Variants in PLCXD2 observed in about 807,000 individuals in gnomAD.
PLCXD2 encodes phosphatidylinositol specific phospholipase C X domain containing 2, also known as PI-PLC X domain-containing protein 2.
A neutral mutation model predicts 28.6 loss-of-function variants in PLCXD2; 21 were observed. That is an observed-to-expected ratio of 0.73 (90% CI 0.52 to 1.06). PLCXD2 has a LOEUF of 1.06. Ranked by LOEUF, PLCXD2 falls within the 50% of genes least tolerant of loss-of-function variation. PLCXD2 has a pLI of 0.00. For synonymous variants in PLCXD2, 140 were observed against 150.1 expected (o/e 0.93, Z 0.49); for missense variants, 369 against 376.7 (o/e 0.98, Z 0.17).
chr3:111,725,168 T>C (rs1941399323), intron 3 of PLCXD2: 1 of 152,688 alleles, frequency 6.5e-6, no homozygotes, highest in Non-Finnish European at 1.5e-5. Context: ...TCTTGAGAGG[T>C]GGGCTTTCCC....
intron 3 of PLCXD2, chr3:111,723,804 G>A (rs1941379261): frequency 6.6e-6 from 1 of 152,138 alleles, no homozygotes; most frequent in African/African-American, 2.4e-5. Context: ...ATAAAATAGT[G>A]ACCCAACCAC....
chr3:111,695,842 C>T (rs1391461749), intron 1 of PLCXD2, among the ~76,000 whole-genome samples: 1 of 152,178 alleles, frequency 6.6e-6, no homozygotes, highest in Non-Finnish European at 1.5e-5. Flanking sequence ...CAGAATGGGG[C>T]ACAATTTAAA....
intron 3 of PLCXD2, 104 bp downstream of exon 3, chr3:111,714,232 A>G: frequency 7.2e-7 from 1 of 1,388,928 alleles, no homozygotes; most frequent in South Asian, 1.5e-5. Flanking sequence ...GAGGAGTTAG[A>G]AAAACAACAA....
At chr3:111,689,755 TA>T (rs973786269) in intron 1 of PLCXD2, among the ~76,000 whole-genome samples, 1 of 152,140 alleles carries the variant, frequency 6.6e-6, no homozygotes, top group Non-Finnish European at 1.5e-5. Flanking sequence ...AATTTAAGCA[TA>T]AAAAACAGAT....
chr3:111,683,798 C>G (rs1173690110), intron 1 of PLCXD2, among the ~76,000 whole-genome samples: 1 of 152,078 alleles, frequency 6.6e-6, no homozygotes. Context: ...CTTAACAAGA[C>G]TAGGGAGGCC....
At chr3:111,680,363 G>A (rs1255544716) in intron 1 of PLCXD2, among the ~76,000 whole-genome samples, 8 of 152,092 alleles carry the variant, frequency 5.3e-5, no homozygotes, top group East Asian at 1.9e-4. Context: ...AGTATGAACC[G>A]TGAGTTGGCC....
intron 3 of PLCXD2, chr3:111,724,103 A>G (rs1223836834): frequency 6.6e-6 from 1 of 152,186 alleles, no homozygotes; most frequent in Non-Finnish European, 1.5e-5. Context: ...TGAGCCTTTT[A>G]GAGAGACCAC....
In PLCXD2 at chr3:111,708,044, G is replaced by A; in HGVS notation, c.282G>A (p.Trp94Ter). The A allele has an allele frequency of 6.2e-7, 1 of 1,614,182 alleles. No individual in the cohort carries two copies. The highest frequency in any genetic ancestry group is 8.5e-7 in the Non-Finnish European group (1 of 1,180,030). Reference sequence around the variant, plus strand: ...TGGTGAAGAAGCTAATGAAGAAGTGGTCTGTGACTCAGAACCTGACATTTC... The same window carrying A: ...TGGTGAAGAAGCTAATGAAGAAGTGATCTGTGACTCAGAACCTGACATTTC... The change falls in exon 2 of 5, where the codon TGG becomes TGA. Residue 94 changes from tryptophan (W) to a stop codon, truncating the protein, a stop_gained. Coordinates refer to ENST00000477665, the MANE Select transcript of PLCXD2 (RefSeq NM_001185106.1). LOFTEE classifies it high-confidence loss of function.
intron 3 of PLCXD2, chr3:111,722,199 A>ATTTATTTATTTG (rs1329382489): frequency 1.3e-5 from 2 of 151,476 alleles, no homozygotes; most frequent in Admixed American, 1.3e-4. Context: ...TTATTTATTT[A>ATTTATTTATTTG]TTTATTTATT....
chr3:111,689,574 T>C (rs1053804557), intron 1 of PLCXD2, among the ~76,000 whole-genome samples: 4 of 152,212 alleles, frequency 2.6e-5, no homozygotes, highest in African/African-American at 9.7e-5. Context: ...TCTGTGCACA[T>C]TTCCATTATA....
chr3:111,685,946 T>C (rs757404130), intron 1 of PLCXD2, among the ~76,000 whole-genome samples: 8 of 152,238 alleles, frequency 5.3e-5, no homozygotes, highest in Non-Finnish European at 1.2e-4. Flanking sequence ...GAAAACCCTT[T>C]GGCTCACATA....
chr3:111,721,010 T>G (rs972247137), intron 3 of PLCXD2: 8 of 400,366 alleles, frequency 2.0e-5, no homozygotes, highest in African/African-American at 4.1e-5. Flanking sequence ...TTTTTCTCCC[T>G]TCCTCACAGG....
intron 1 of PLCXD2, among the ~76,000 whole-genome samples, chr3:111,681,609 C>G (rs537731780): frequency 6.6e-6 from 1 of 152,176 alleles, no homozygotes; most frequent in Admixed American, 6.5e-5. Flanking sequence ...CACACATGCA[C>G]AGATACTTAG....
intron 1 of PLCXD2, among the ~76,000 whole-genome samples, chr3:111,700,714 G>A (rs968735409): frequency 3.9e-5 from 6 of 152,096 alleles, no homozygotes; most frequent in Non-Finnish European, 4.4e-5. Context: ...ACCTCAGCAG[G>A]CTCTTAACAG....
intron 3 of PLCXD2, chr3:111,726,941 AT>A (rs1232670250): frequency 1.3e-5 from 2 of 152,138 alleles, no homozygotes; most frequent in African/African-American, 2.4e-5. Flanking sequence ...TCCACTTCTA[AT>A]TTTGTCTTAA....
chr3:111,694,409 CTT>C (rs1439845039), intron 1 of PLCXD2, among the ~76,000 whole-genome samples: 3 of 152,128 alleles, frequency 2.0e-5, no homozygotes, highest in African/African-American at 4.8e-5. Context: ...TTAAAAATGA[CTT>C]TTTCTCTTAT....
At position 111,708,137 on chromosome 3, in the gene PLCXD2, C is replaced by G; in HGVS notation, c.375C>G (p.Asp125Glu). ...TGTCTTCCAAACCAGGGGATGCCGA[C>G]CAGGAGATCTACTTCATCCATGGGC... Residue 125 changes from aspartate to glutamate, a missense_variant, in exon 2 of 5, where the codon GAC becomes GAG. Transcript: ENST00000477665. 3 of 1,614,192 alleles carry G rather than the reference C, an allele frequency of 1.9e-6. No homozygotes were observed. The highest frequency in any genetic ancestry group is 2.5e-6 in the Non-Finnish European group (3 of 1,180,038).
intron 3 of PLCXD2, among the ~76,000 whole-genome samples, chr3:111,715,030 G>C (rs1323489759): frequency 1.3e-5 from 2 of 152,080 alleles, no homozygotes; most frequent in Admixed American, 6.6e-5. Flanking sequence ...CTATTTATTT[G>C]GTCCTGAGTT....
intron 3 of PLCXD2, chr3:111,725,594 C>G: frequency 2.5e-6 from 1 of 398,420 alleles, no homozygotes; most frequent in Non-Finnish European, 4.4e-6. Flanking sequence ...CCACAAAATG[C>G]GATTGATTTT....
Sources: gnomAD v4.1 joint callset for allele counts (sites outside exome capture counted in the v4.1 genomes callset) on GRCh38, gnomAD v4.1.1 for gene constraint, MANE v1.5 for transcripts, NCBI Gene and HGNC (gene_info 2026-07-23, HGNC 2026-07-21) for gene names.